SORCS1: variants seen among roughly 807,000 people sequenced by gnomAD.
SORCS1 encodes the protein sortilin related VPS10 domain containing receptor 1.
In SORCS1, 60 loss-of-function variants were observed where a neutral mutation model predicts 146.1. That is an observed-to-expected ratio of 0.41 (90% CI 0.33 to 0.51). SORCS1 has a LOEUF of 0.51. SORCS1 is among the 20% of genes least tolerant of loss of function. The pLI, the probability that SORCS1 is intolerant of heterozygous loss-of-function variation, is 0.21. For synonymous variants in SORCS1, 637 were observed against 584.0 expected (o/e 1.09, Z -1.31); for missense variants, 1,352 against 1,487.6 (o/e 0.91, Z 1.50).
intron 1 of SORCS1, among the ~76,000 whole-genome samples, chr10:107,001,104 T>C (rs771255270): frequency 7.2e-5 from 11 of 152,098 alleles, no homozygotes; most frequent in Admixed American, 3.9e-4. Context: ...TAATGTTAAA[T>C]TGAATCCCAA....
chr10:107,122,292 C>T (rs1188514150), intron 1 of SORCS1, among the ~76,000 whole-genome samples: 1 of 152,188 alleles, frequency 6.6e-6, no homozygotes, highest in Non-Finnish European at 1.5e-5. Flanking sequence ...ATGTACTTTT[C>T]CTTCAAGTAA....
chr10:106,594,657 G>C (rs1845803059), intron 24 of SORCS1, among the ~76,000 whole-genome samples: 2 of 152,192 alleles, frequency 1.3e-5, no homozygotes, highest in African/African-American at 4.8e-5. Context: ...GTTCAACAGA[G>C]CAAGGTCTCC....
chr10:106,823,731 G>C (rs1331918226), intron 3 of SORCS1, among the ~76,000 whole-genome samples: 2 of 152,184 alleles, frequency 1.3e-5, no homozygotes, highest in Non-Finnish European at 2.9e-5. Flanking sequence ...ATAAGAGGGA[G>C]TGAGCAAGTC....
chr10:106,766,744 ATGT>A lies in SORCS1; in HGVS notation c.886-5086_886-5084del, dbSNP rs576340082. On this transcript the variant is annotated intron_variant, in intron 4 of 25. Transcript: ENST00000263054. Reference sequence around the variant, plus strand: ...AATAGATTTAAGTTTCTCAAAGAAAATGTTGTGTATTAGTGATATCACAGACAA... The same window carrying A: ...AATAGATTTAAGTTTCTCAAAGAAAATGTGTATTAGTGATATCACAGACAA... 2.0e-4 allele frequency among the ~76,000 whole-genome samples: 31 copies of A among 152,312 alleles called. No individual in the cohort carries two copies. The South Asian group carries it at 6.4e-3, about 32-fold the overall frequency.
chr10:107,003,396 T>A (rs1957295771), intron 1 of SORCS1, among the ~76,000 whole-genome samples: 2 of 151,648 alleles, frequency 1.3e-5, no homozygotes, highest in South Asian at 4.2e-4. Context: ...TATGCATGTG[T>A]TGTGTGTATA....
rs115871568 is a variant in SORCS1 at position 106,769,674 on chromosome 10, T to C, written c.885+6860A>G. Among the ~76,000 whole-genome samples, 331 of 152,316 alleles carry C rather than the reference T, an allele frequency of 2.2e-3. 1 individual carries two copies. Among genetic ancestry groups the C allele is most frequent in the African/African-American group, 7.7e-3 (321 of 41,574 alleles). ...GTTCTTTTTTAATAAAATTCACTTT[T>C]ATGCATGTTACTAAAATTCTGTCAT... On this transcript the variant is annotated intron_variant, in intron 4 of 25. Transcript: ENST00000263054.
chr10:106,937,336 ATT>A lies in SORCS1; in HGVS notation c.626+19175_626+19176del, dbSNP rs111634393. The stretch of plus-strand genomic sequence containing the variant: ...CAGGTGCCCACCACCATGCCCAGCT[ATT>A]TTTTTTTTTTTTGTATTTTTAGTAG... On this transcript the variant is annotated intron_variant, in intron 2 of 25. Transcript: ENST00000263054. Among the ~76,000 whole-genome samples the A allele has an allele frequency of 4.1e-3, 586 of 143,700 alleles. 3 individuals carry two copies. The highest frequency in any genetic ancestry group is 9.8e-3 in the African/African-American group (386 of 39,222). 94.3% of individuals were successfully genotyped at this position (143,700 alleles called of 152,430 possible). A position where few individuals can be genotyped will look rare whatever the true frequency, so the allele number is the denominator to read the frequency against.
intron 1 of SORCS1, among the ~76,000 whole-genome samples, chr10:107,001,048 C>G (rs573986169): frequency 3.7e-4 from 57 of 152,180 alleles, no homozygotes; most frequent in Non-Finnish European, 8.1e-4. Context: ...GACTACCAGG[C>G]TAGTCTCTGG....
chr10:106,687,396 T>C (rs1002565868), intron 10 of SORCS1, among the ~76,000 whole-genome samples: 2 of 152,160 alleles, frequency 1.3e-5, no homozygotes, highest in African/African-American at 4.8e-5. Context: ...TACTTTAAAG[T>C]AGGGGTCAGC....
At position 106,618,074 on chromosome 10, in the gene SORCS1, T is replaced by C. The variant is rs1439536046; in HGVS notation, c.2920+75A>G. ...GGTAAAAGTCACAGCTGGGGGATGG[T>C]CTCTGGCATCATGGCACAAGAGAAC... is the stretch of plus-strand genomic sequence containing the variant. On this transcript the variant is annotated intron_variant, in intron 21 of 25. Coordinates refer to ENST00000263054, the MANE Select transcript of SORCS1 (RefSeq NM_052918.5). 8 of 1,587,320 alleles carry C rather than the reference T, an allele frequency of 5.0e-6. No individual in the cohort carries two copies. The African/African-American group carries it at 9.4e-5, about 19-fold the overall frequency.
intron 18 of SORCS1, among the ~76,000 whole-genome samples, chr10:106,638,332 T>C (rs1480556170): frequency 6.6e-6 from 1 of 152,112 alleles, no homozygotes; most frequent in Non-Finnish European, 1.5e-5. Context: ...TAAATCTCTA[T>C]AGAACCAGGT....
intron 3 of SORCS1, among the ~76,000 whole-genome samples, chr10:106,786,846 G>A (rs1412908187): frequency 6.6e-6 from 1 of 152,124 alleles, no homozygotes; most frequent in Non-Finnish European, 1.5e-5. Context: ...CTGGGATATA[G>A]ATATCTTGAA....
chr10:106,849,143 A>G (rs1949436713), intron 2 of SORCS1, among the ~76,000 whole-genome samples: 3 of 145,912 alleles, frequency 2.1e-5, no homozygotes, highest in African/African-American at 7.4e-5. Context: ...GCCTTGCTAG[A>G]TTGGGGAAGT....
Position 107,009,655 on chromosome 10 carries a change from G to A in SORCS1, c.559-53075C>T, listed in dbSNP as rs74154822. ...ATTCTTCTGTTTCATGTAGTTGCTG[G>A]GACAGGCACCAAAATACGCAAGATT... On this transcript the variant is annotated intron_variant, in intron 1 of 25. Coordinates refer to ENST00000263054, the MANE Select transcript of SORCS1 (RefSeq NM_052918.5). Among the ~76,000 whole-genome samples, 907 of 152,122 alleles carry A rather than the reference G, an allele frequency of 6.0e-3. 13 individuals are homozygous for A. The highest frequency in any genetic ancestry group is 0.021 in the African/African-American group (863 of 41,482).
chr10:106,971,318 C>A (rs142211513), intron 1 of SORCS1, among the ~76,000 whole-genome samples: 1 of 152,146 alleles, frequency 6.6e-6, no homozygotes, highest in Non-Finnish European at 1.5e-5. Flanking sequence ...TATGTAATAT[C>A]CTCTTGCTGA....
chr10:107,174,894 T>C, the SORCS1 span, among the ~76,000 whole-genome samples: 1 of 152,210 alleles, frequency 6.6e-6, no homozygotes, highest in Non-Finnish European at 1.5e-5. Context: ...CACTGTGAAG[T>C]ATGCTGTTTA....
chr10:106,691,291 G>A (rs2135671926), intron 9 of SORCS1, among the ~76,000 whole-genome samples: 1 of 152,242 alleles, frequency 6.6e-6, no homozygotes, highest in African/African-American at 2.4e-5. Flanking sequence ...CATGGGAATG[G>A]TACATCCCAC....
intron 1 of SORCS1, among the ~76,000 whole-genome samples, chr10:107,153,154 G>T (rs1968969581): frequency 6.8e-6 from 1 of 147,126 alleles, no homozygotes. Context: ...TGTTATTTAT[G>T]TCTCTCTGTC....
chr10:106,911,417 A>G (rs1363431217), intron 2 of SORCS1, among the ~76,000 whole-genome samples: 1 of 151,888 alleles, frequency 6.6e-6, no homozygotes, highest in African/African-American at 2.4e-5. Flanking sequence ...GGACAACAAA[A>G]CCTGCAAATG....
Sources: gnomAD v4.1 joint callset for allele counts (sites outside exome capture counted in the v4.1 genomes callset) on GRCh38, gnomAD v4.1.1 for gene constraint, MANE v1.5 for transcripts, NCBI Gene and HGNC (gene_info 2026-07-23, HGNC 2026-07-21) for gene names.